ACOT1: variants seen among roughly 807,000 people sequenced by gnomAD.
ACOT1 encodes acyl-coenzyme A thioesterase 1.
In ACOT1, 8 loss-of-function variants were observed where a neutral mutation model predicts 15.7. The observed-to-expected ratio is 0.51, with a 90% CI of 0.30 to 0.92. The LOEUF (loss-of-function observed/expected upper bound fraction) is 0.92. Among genes scored for constraint, ACOT1 ranks in the 40% least tolerant of loss-of-function variants. ACOT1 has a pLI of 0.06. For missense variants in ACOT1, 151 were observed against 539.4 expected (o/e 0.28, Z 7.13); for synonymous variants, 67 against 241.2 (o/e 0.28, Z 6.69).
At chr14:73,492,031 C>G in the ACOT1 span, 39 of 1,613,860 alleles carry the variant, frequency 2.4e-5, no homozygotes, top group Non-Finnish European at 3.1e-5. This position sits in a 1 kb window ranked among gnomAD's most constrained non-coding sequence, Gnocchi z 4.9. Context: ...AGGGCTTTGC[C>G]CCCCACTACG....
At chr14:73,508,036 GC>G in the ACOT1 span, 1 of 1,178,576 alleles carries the variant, frequency 8.5e-7, no homozygotes, top group Non-Finnish European at 1.2e-6. Context: ...ATAAGCCACT[GC>G]CCCGGCCCCA....
At chr14:73,491,698 G>A in the ACOT1 span, 2 of 1,550,092 alleles carry the variant, frequency 1.3e-6, no homozygotes, top group East Asian at 2.4e-5. Context: ...AGCGCGAGGC[G>A]GTGCTGGTGC....
the ACOT1 span, chr14:73,492,752 C>T: frequency 9.9e-6 from 16 of 1,613,850 alleles, no homozygotes; most frequent in African/African-American, 1.3e-5. The surrounding 1 kb of genome is among the most constrained non-coding windows in gnomAD (Gnocchi z 4.9). Flanking sequence ...TGTGTATCAT[C>T]TGGAAGAACC....
At position 73,539,034 on chromosome 14, in the gene ACOT1, T is replaced by C. The variant is rs1447841795; in HGVS notation, c.457+1156T>C. 3.5e-5 allele frequency among the ~76,000 whole-genome samples: 4 copies of C among 115,848 alleles called. 2 individuals are homozygous for C. The East Asian group carries it at 2.7e-3, about 78-fold the overall frequency. The allele number at this position is 115,848 out of a possible 152,430, so 76.0% of individuals were successfully genotyped here. ...AATTTTCAAGTAGTTTCAATGTTCTTATTTATGTATGGACCAGGAAGTCAC... is the reference window on the plus strand; with the variant it reads ...AATTTTCAAGTAGTTTCAATGTTCTCATTTATGTATGGACCAGGAAGTCAC... On this transcript the variant is annotated intron_variant, in intron 1 of 2. Coordinates refer to ENST00000311148, the MANE Select transcript of ACOT1 (RefSeq NM_001037161.2).
the ACOT1 span, among the ~76,000 whole-genome samples, chr14:73,505,490 A>G: frequency 6.6e-6 from 1 of 151,594 alleles, no homozygotes; most frequent in South Asian, 2.1e-4. Flanking sequence ...TCTCCCTCCC[A>G]GGTTCAAGCA....
At chr14:73,499,105 ATC>A in the ACOT1 span, 19 of 1,614,186 alleles carry the variant, frequency 1.2e-5, no homozygotes, top group South Asian at 1.5e-4. Context: ...TCCAGTAAGG[ATC>A]TCTCTGCATC....
At chr14:73,540,801 G>A (rs1261058767) in intron 1 of ACOT1, among the ~76,000 whole-genome samples, 1 of 108,458 alleles carries the variant, frequency 9.2e-6, no homozygotes, top group Non-Finnish European at 1.9e-5. Flanking sequence ...TGGAGTAGTG[G>A]CACAATCTTG....
the ACOT1 span, chr14:73,509,178 A>G: frequency 1.1e-6 from 1 of 881,302 alleles, no homozygotes; most frequent in Non-Finnish European, 1.8e-6. Context: ...TAATTTTCAA[A>G]TGGTCTAACA....
At chr14:73,515,671 C>CAA in the ACOT1 span, among the ~76,000 whole-genome samples, 30 of 33,510 alleles carry the variant, frequency 9.0e-4, 2 homozygotes, top group East Asian at 0.021. Flanking sequence ...GACTCCATCT[C>CAA]AAAAAAAAAA....
the ACOT1 span, chr14:73,514,308 A>G: frequency 2.6e-5 from 36 of 1,364,328 alleles, no homozygotes; most frequent in Middle Eastern, 1.6e-3. Flanking sequence ...CCCAGCTTGC[A>G]TCCCATTCCT....
chr14:73,522,638 G>A, the ACOT1 span: 1 of 1,614,240 alleles, frequency 6.2e-7, no homozygotes. Context: ...CAGCATATCT[G>A]GATGCATGCA....
At chr14:73,502,790 G>T in the ACOT1 span, 1 of 786,726 alleles carries the variant, frequency 1.3e-6, no homozygotes, top group Non-Finnish European at 2.2e-6. Flanking sequence ...CTCGTGATCC[G>T]CCCACCCCGT....
the ACOT1 span, among the ~76,000 whole-genome samples, chr14:73,503,279 A>G: frequency 6.6e-6 from 1 of 152,164 alleles, no homozygotes; most frequent in East Asian, 1.9e-4. Flanking sequence ...AACTCTCCCA[A>G]GCTCATCCTT....
the ACOT1 span, among the ~76,000 whole-genome samples, chr14:73,509,854 A>ATT: frequency 5.6e-4 from 33 of 58,572 alleles, 3 homozygotes; most frequent in African/African-American, 2.1e-3. Flanking sequence ...ATATATATAT[A>ATT]TATATATATA....
chr14:73,513,285 C>T, the ACOT1 span, among the ~76,000 whole-genome samples: 6 of 152,076 alleles, frequency 3.9e-5, no homozygotes, highest in Admixed American at 2.0e-4. Context: ...ATGGTGAAAC[C>T]GTGTCTCTAC....
the ACOT1 span, chr14:73,495,435 C>A: frequency 6.8e-7 from 1 of 1,475,448 alleles, no homozygotes; most frequent in Non-Finnish European, 9.4e-7. Flanking sequence ...AACACCTGTA[C>A]TAGGCAGCAA....
the ACOT1 span, among the ~76,000 whole-genome samples, chr14:73,521,249 G>T: frequency 6.6e-6 from 1 of 152,080 alleles, no homozygotes; most frequent in Non-Finnish European, 1.5e-5. Flanking sequence ...CAGCTGTCCT[G>T]CCTGGCTACT....
the ACOT1 span, among the ~76,000 whole-genome samples, chr14:73,525,953 TA>T: frequency 1.4e-3 from 203 of 144,636 alleles, 1 homozygote; most frequent in South Asian, 7.1e-3. Context: ...ACTCCTTATT[TA>T]AAAAAAAAAA....
chr14:73,532,047 A>G, the ACOT1 span, among the ~76,000 whole-genome samples: 5 of 114,058 alleles, frequency 4.4e-5, 2 homozygotes, highest in Non-Finnish European at 3.8e-5. Context: ...AATAAAAATA[A>G]AAAAACCCTC....
Sources: gnomAD v4.1 joint callset for allele counts (sites outside exome capture counted in the v4.1 genomes callset) on GRCh38, gnomAD v4.1.1 for gene constraint, Gnocchi (gnomAD v3.1) non-coding constraint, MANE v1.5 for transcripts, NCBI Gene and HGNC (gene_info 2026-07-23, HGNC 2026-07-21) for gene names.